GUCY1A1: variants seen among roughly 807,000 people sequenced by gnomAD.
The protein encoded by GUCY1A1 is guanylate cyclase soluble subunit alpha-1.
In GUCY1A1, 48 loss-of-function variants were observed where a neutral mutation model predicts 64.5. The ratio of observed to expected loss-of-function variants is 0.74; its 90% CI spans 0.59 to 0.95. The LOEUF (loss-of-function observed/expected upper bound fraction) is 0.95. GUCY1A1 is among the 40% of genes least tolerant of loss of function. GUCY1A1 has a pLI of 0.00. For synonymous variants in GUCY1A1, 308 were observed against 303.4 expected (o/e 1.02, Z -0.16); for missense variants, 804 against 825.3 (o/e 0.97, Z 0.32).
chr4:155,731,320 G>T lies in GUCY1A1; in HGVS notation c.*1089G>T, dbSNP rs1009430197. On this transcript the variant is annotated 3_prime_UTR_variant, in exon 10 of 10. Transcript: ENST00000506455. Reference sequence around the variant, plus strand: ...TATCTCATTTTTCTTGAGTATTTGTGCTGAACATTTTGGTGTATGTCTATG... The same window carrying T: ...TATCTCATTTTTCTTGAGTATTTGTTCTGAACATTTTGGTGTATGTCTATG... The T allele has an allele frequency of 6.6e-6, 1 of 151,730 alleles. No individual in the cohort carries two copies. Among genetic ancestry groups the T allele is most frequent in the Non-Finnish European group, 1.5e-5 (1 of 67,818 alleles). 9.4% of individuals were successfully genotyped at this position (151,730 alleles called of 1,614,324 possible). A position where few individuals can be genotyped will look rare whatever the true frequency, so the allele number is the denominator to read the frequency against.
chr4:155,717,766 T>C (rs1733455627), intron 8 of GUCY1A1, among the ~76,000 whole-genome samples: 1 of 152,098 alleles, frequency 6.6e-6, no homozygotes. Flanking sequence ...ACTTACAAAA[T>C]GAGTGATGGG....
intron 9 of GUCY1A1, 106 bp from the exon 10 acceptor site, chr4:155,729,924 A>C (rs1735327114): frequency 2.9e-6 from 2 of 692,198 alleles, no homozygotes; most frequent in Admixed American, 2.6e-5. Context: ...CTCACACCTA[A>C]AATCACTGGT....
At chr4:155,691,991 T>A (rs1349241183) in intron 2 of GUCY1A1, among the ~76,000 whole-genome samples, 1 of 152,142 alleles carries the variant, frequency 6.6e-6, no homozygotes, top group Non-Finnish European at 1.5e-5. Flanking sequence ...TTCCCCTCTA[T>A]GTGTCCATGC....
chr4:155,713,508 G>A lies in GUCY1A1; in HGVS notation c.1497G>A (p.Pro499=), dbSNP rs139194805. 2.5e-4 allele frequency: 396 copies of A among 1,613,994 alleles called. No individual in the cohort carries two copies. The South Asian group carries it at 3.6e-3, about 15-fold the overall frequency. ...GFTAICSQCS[P]LQVITMLNAL... ...CTGCCATCTGCTCCCAGTGCTCACC[G>A]CTGCAGGTCATCACCATGCTCAATG... is the stretch of plus-strand genomic sequence containing the variant. Residue 499 remains proline, a synonymous_variant, in exon 7 of 10, where the codon CCG becomes CCA. Transcript: ENST00000506455.
chr4:155,688,663 C>G (rs573331006), intron 2 of GUCY1A1, among the ~76,000 whole-genome samples: 1 of 152,082 alleles, frequency 6.6e-6, no homozygotes, highest in Non-Finnish European at 1.5e-5. Flanking sequence ...TGATATAACA[C>G]AGCATAGATG....
intron 3 of GUCY1A1, 110 bp from the exon 4 acceptor site, chr4:155,703,822 T>C (rs1022203280): frequency 5.7e-6 from 4 of 696,204 alleles, no homozygotes; most frequent in East Asian, 2.8e-5. Flanking sequence ...AGCAATTGTA[T>C]AATGTGCTTT....
At position 155,691,499 on chromosome 4, in the gene GUCY1A1, C is replaced by G. The variant is rs1327497624; in HGVS notation, c.-112-5257C>G. On this transcript the variant is annotated intron_variant, in intron 2 of 9. Transcript: ENST00000506455. The stretch of plus-strand genomic sequence containing the variant: ...GTTTTCAGTCTACCTGAAAATTAAG[C>G]CTTTTTCCTTATTTATGAAAATAGT... Among the ~76,000 whole-genome samples the G allele has an allele frequency of 3.3e-5, 5 of 152,222 alleles. No individual in the cohort carries two copies. The East Asian group carries it at 9.7e-4, about 29-fold the overall frequency.
intron 2 of GUCY1A1, among the ~76,000 whole-genome samples, chr4:155,685,644 C>A (rs1445190977): frequency 9.2e-6 from 1 of 109,056 alleles, no homozygotes; most frequent in African/African-American, 3.2e-5. Flanking sequence ...GCTGTTCTTT[C>A]TGTAGCCAGG....
chr4:155,717,103 A>G, intron 7 of GUCY1A1, 56 bp from the exon 8 acceptor site: 1 of 1,200,016 alleles, frequency 8.3e-7, no homozygotes, highest in Non-Finnish European at 1.1e-6. Context: ...TATCCGATGT[A>G]GGCTGTGATT....
rs527602643 is a variant in GUCY1A1 at position 155,731,244 on chromosome 4, G to A, written c.*1013G>A. The stretch of plus-strand genomic sequence containing the variant: ...CATGCTGAGCTGTTTAAAGTTTTAA[G>A]AAGAAAATCTAAGTATGGAAGTAGA... On this transcript the variant is annotated 3_prime_UTR_variant, in exon 10 of 10. Transcript: ENST00000506455. The A allele has an allele frequency of 2.0e-5, 3 of 151,926 alleles. No homozygotes were observed. The highest frequency in any genetic ancestry group is 1.9e-4 in the East Asian group (1 of 5,144). 9.4% of individuals were successfully genotyped at this position (151,926 alleles called of 1,614,324 possible).
chr4:155,734,049 C>T lies in GUCY1A1; in HGVS notation c.*3818C>T, dbSNP rs992021059. On this transcript the variant is annotated 3_prime_UTR_variant, in exon 10 of 10. Coordinates refer to ENST00000506455, the MANE Select transcript of GUCY1A1 (RefSeq NM_001130682.3). ...AGAGTTGCTTCAGCATTTTGACTAA[C>T]ATTTCTTCCAAATTTCTTCTCCCTG... 2.6e-5 allele frequency among the ~76,000 whole-genome samples: 4 copies of T among 152,014 alleles called. No individual in the cohort carries two copies. The highest frequency in any genetic ancestry group is 3.9e-4 in the East Asian group (2 of 5,146).
In GUCY1A1 at chr4:155,677,807, G is replaced by A. The variant is rs933222372; in HGVS notation, c.-113+10388G>A. 7.2e-5 allele frequency among the ~76,000 whole-genome samples: 11 copies of A among 152,010 alleles called. No homozygotes were observed. The East Asian group carries it at 7.7e-4, about 11-fold the overall frequency. ...GCGGAGGTTGCAGTGAGCCAAGTTC[G>A]TGCCACTGTACTCCAGCCTGACTGA... On this transcript the variant is annotated intron_variant, in intron 2 of 9. Transcript: ENST00000506455.
chr4:155,705,554 A>AAAAAT (rs1731646090), intron 4 of GUCY1A1, among the ~76,000 whole-genome samples: 1 of 152,006 alleles, frequency 6.6e-6, no homozygotes, highest in African/African-American at 2.4e-5. Context: ...AAAAAAAAAA[A>AAAAAT]AAAAAGTAAT....
intron 9 of GUCY1A1, 128 bp from the exon 10 acceptor site, chr4:155,729,902 C>A (rs1312076947): frequency 4.9e-6 from 3 of 610,240 alleles, no homozygotes; most frequent in East Asian, 2.8e-5. Flanking sequence ...TCTCGTTAGA[C>A]TTTTTCTGTC....
At chr4:155,717,442 C>G (rs1331811743) in intron 8 of GUCY1A1, 140 bp downstream of exon 8, 1 of 466,462 alleles carries the variant, frequency 2.1e-6, no homozygotes, top group Non-Finnish European at 3.6e-6. Context: ...ACAATCTTCT[C>G]TAACTTGTTT....
At position 155,730,172 on chromosome 4, in the gene GUCY1A1, A is replaced by G; in HGVS notation, c.2014A>G (p.Lys672Glu). The stretch of plus-strand genomic sequence containing the variant: ...AACAAACTCAAAACCATGCTTCCAA[A>G]AGAAAGATGTGGAAGATGGCAATGC... ...QGTNSKPCFQ[K>E]KDVEDGNANF... Residue 672 changes from lysine (K) to glutamate (E), a missense_variant, in exon 10 of 10, where the codon AAG becomes GAG. By Grantham distance (56) the Lys-to-Glu change is moderately conservative (BLOSUM62 1). Coordinates refer to ENST00000506455, the MANE Select transcript of GUCY1A1 (RefSeq NM_001130682.3). 2 of 1,611,816 alleles carry G rather than the reference A, an allele frequency of 1.2e-6. No homozygotes were observed. Among genetic ancestry groups the G allele is most frequent in the Non-Finnish European group, 1.7e-6 (2 of 1,178,400 alleles).
Position 155,717,241 on chromosome 4 carries a change from T to C in GUCY1A1, c.1655T>C (p.Met552Thr). 1.2e-6 allele frequency: 2 copies of C among 1,600,896 alleles called. No individual in the cohort carries two copies. The highest frequency in any genetic ancestry group is 1.3e-5 in the African/African-American group (1 of 74,690). ...ACTCATGCTGTTCAGATAGCGCTGA[T>C]GGCCCTGAAGATGATGGAGCTCTCT... ...SDTHAVQIALMALKMMELSDE... is the reference protein window; with the variant it reads ...SDTHAVQIALTALKMMELSDE... Residue 552 changes from methionine to threonine, a missense_variant, in exon 8 of 10, where the codon ATG becomes ACG. Transcript: ENST00000506455.
In GUCY1A1 at chr4:155,680,922, T is replaced by TACACAC. The variant is rs10591570; in HGVS notation, c.-113+13523_-113+13528dup. ...CTGTGTTGTTCAAGGGTCGATTGGA[T>TACACAC]ACACACACACACACACACACACACA... On this transcript the variant is annotated intron_variant, in intron 2 of 9. Transcript: ENST00000506455. Among the ~76,000 whole-genome samples, 1,034 of 148,394 alleles carry TACACAC rather than the reference T, an allele frequency of 7.0e-3. 11 individuals carry two copies. Among genetic ancestry groups the TACACAC allele is most frequent in the Non-Finnish European group, 8.8e-3 (595 of 67,238 alleles).
intron 2 of GUCY1A1, among the ~76,000 whole-genome samples, chr4:155,690,922 T>C (rs1382661708): frequency 3.9e-5 from 6 of 152,044 alleles, no homozygotes; most frequent in East Asian, 1.9e-4. Flanking sequence ...ATTTGTTGAA[T>C]AGGAAGAAAA....
Sources: gnomAD v4.1 joint callset for allele counts (sites outside exome capture counted in the v4.1 genomes callset) on GRCh38, gnomAD v4.1.1 for gene constraint, MANE v1.5 for transcripts, NCBI Gene and HGNC (gene_info 2026-07-23, HGNC 2026-07-21) for gene names.